ZNRF2: variants seen among roughly 807,000 people sequenced by gnomAD.
The protein encoded by ZNRF2 is zinc and ring finger 2.
ZNRF2 carries 16 observed loss-of-function variants against 20.4 expected under a neutral mutation model. The observed-to-expected ratio is 0.79, with a 90% confidence interval of 0.53 to 1.19. The LOEUF (loss-of-function observed/expected upper bound fraction) is 1.19. ZNRF2 is among the 50% of genes most tolerant of loss of function. The pLI, the probability that ZNRF2 is intolerant of heterozygous loss-of-function variation, is 0.00. For synonymous variants in ZNRF2, 178 were observed against 144.9 expected (o/e 1.23, Z -1.64); for missense variants, 363 against 332.4 (o/e 1.09, Z -0.72).
chr7:30,285,952 C>T lies in ZNRF2; in HGVS notation c.469+126C>T, dbSNP rs1363184587. On this transcript the variant is annotated intron_variant, in intron 1 of 4. Coordinates refer to ENST00000323037, the MANE Select transcript of ZNRF2 (RefSeq NM_147128.4). ...GGGGCGCCGGGGGCTGCCTCCCGGACCAGCCCGCGTCGGTCTCCATCCTGG... is the reference window on the plus strand; with the variant it reads ...GGGGCGCCGGGGGCTGCCTCCCGGATCAGCCCGCGTCGGTCTCCATCCTGG... The T allele has an allele frequency of 5.3e-6, 7 of 1,322,526 alleles. No homozygotes were observed. In the African/African-American group the frequency reaches 9.3e-5, roughly 18 times the overall value. The allele number at this position is 1,322,526 out of a possible 1,614,324, so 81.9% of individuals were successfully genotyped here. A position where few individuals can be genotyped will look rare whatever the true frequency, so the allele number is the denominator to read the frequency against.
intron 3 of ZNRF2, among the ~76,000 whole-genome samples, chr7:30,361,319 A>G (rs557218007): frequency 6.6e-6 from 1 of 152,356 alleles, no homozygotes; most frequent in South Asian, 2.1e-4. Flanking sequence ...CAGATATTTG[A>G]AAGAACCTGT....
In ZNRF2 at chr7:30,285,489, C is replaced by T. The variant is rs1798759384; in HGVS notation, c.132C>T (p.Ala44=). The change falls in exon 1 of 5, where the codon GCC becomes GCT. Residue 44 remains alanine, a synonymous_variant. Coordinates refer to ENST00000323037, the MANE Select transcript of ZNRF2 (RefSeq NM_147128.4). ...GCGGCGGCGGGGGCGCTCGGGCCGC[C>T]GCCGCGGGGAGGTTCCCGGCTCAGG... ...TAGGGGGARA[A]AAGRFPAQVP... 12 of 1,078,650 alleles carry T rather than the reference C, an allele frequency of 1.1e-5. No homozygotes were observed. The highest frequency in any genetic ancestry group is 8.4e-5 in the South Asian group (3 of 35,748). The allele number at this position is 1,078,650 out of a possible 1,614,324, so 66.8% of individuals were successfully genotyped here. A position where few individuals can be genotyped will look rare whatever the true frequency, so the allele number is the denominator to read the frequency against.
At chr7:30,322,633 A>G (rs1032525308) in intron 1 of ZNRF2, among the ~76,000 whole-genome samples, 1 of 151,972 alleles carries the variant, frequency 6.6e-6, no homozygotes, top group Non-Finnish European at 1.5e-5. Flanking sequence ...CTGCTGGCCA[A>G]TATAGTCTCT....
rs550803357 is a variant in ZNRF2, at chr7:30,341,931, T to C, written c.566-13797T>C. Reference sequence around the variant, plus strand: ...GTATTGGGTGCATATATATTTAGGATAGTTAGCTCTTCTTGTTGCATCAAT... The same window carrying C: ...GTATTGGGTGCATATATATTTAGGACAGTTAGCTCTTCTTGTTGCATCAAT... On this transcript the variant is annotated intron_variant, in intron 2 of 4. Transcript: ENST00000323037. Among the ~76,000 whole-genome samples the C allele has an allele frequency of 7.9e-5, 12 of 152,296 alleles. No individual in the cohort carries two copies. In the South Asian group the frequency reaches 2.5e-3, roughly 32 times the overall value.
At chr7:30,348,995 T>TA (rs1461486409) in intron 2 of ZNRF2, among the ~76,000 whole-genome samples, 1 of 152,194 alleles carries the variant, frequency 6.6e-6, no homozygotes, top group African/African-American at 2.4e-5. Flanking sequence ...CGAATCCAGA[T>TA]TTATAAATGT....
chr7:30,299,667 TTACA>T (rs1372499909), intron 1 of ZNRF2, among the ~76,000 whole-genome samples: 3 of 152,188 alleles, frequency 2.0e-5, no homozygotes, highest in Non-Finnish European at 4.4e-5. Flanking sequence ...TTTAATTCAT[TTACA>T]TACTTTTAAG....
intron 2 of ZNRF2, among the ~76,000 whole-genome samples, chr7:30,351,070 A>G (rs945502246): frequency 2.0e-5 from 3 of 150,968 alleles, no homozygotes; most frequent in African/African-American, 7.3e-5. Flanking sequence ...TTGATCTGCA[A>G]TAACTATATG....
intron 2 of ZNRF2, among the ~76,000 whole-genome samples, chr7:30,348,268 G>GC: frequency 6.6e-6 from 1 of 151,172 alleles, no homozygotes; most frequent in Admixed American, 6.6e-5. Context: ...ACAACCCATT[G>GC]CTTTGGGGCA....
Position 30,284,978 on chromosome 7 carries a change from C to CG in ZNRF2, c.-375dup. 3.0e-6 allele frequency: 1 copy of CG among 333,768 alleles called. No individual in the cohort carries two copies. 20.7% of individuals were successfully genotyped at this position (333,768 alleles called of 1,614,324 possible). ...GCCCGAGAGGAGGCGGTGCCGAGAT[C>CG]GGGGGCGCCGAGCGCGGCAGCAGAG... On this transcript the variant is annotated 5_prime_UTR_variant, in exon 1 of 5. An upstream open reading frame in the 5' UTR gains an earlier in-frame stop. Coordinates refer to ENST00000323037, the MANE Select transcript of ZNRF2 (RefSeq NM_147128.4).
chr7:30,309,835 T>C (rs1014251933), intron 1 of ZNRF2, among the ~76,000 whole-genome samples: 1 of 152,176 alleles, frequency 6.6e-6, no homozygotes, highest in African/African-American at 2.4e-5. Context: ...GTTATGTAAT[T>C]TATTAAAAAT....
At chr7:30,331,581 A>G (rs1191612259) in intron 2 of ZNRF2, among the ~76,000 whole-genome samples, 1 of 152,204 alleles carries the variant, frequency 6.6e-6, no homozygotes, top group Non-Finnish European at 1.5e-5. Flanking sequence ...GAATGAGAGC[A>G]TACACCATAC....
At chr7:30,299,276 G>T (rs921802656) in intron 1 of ZNRF2, among the ~76,000 whole-genome samples, 4 of 151,962 alleles carry the variant, frequency 2.6e-5, no homozygotes, top group Admixed American at 2.0e-4. Flanking sequence ...AAAATTAGCC[G>T]AGCGTAGTGA....
chr7:30,313,987 A>T (rs2128060801), intron 1 of ZNRF2, among the ~76,000 whole-genome samples: 1 of 152,314 alleles, frequency 6.6e-6, no homozygotes, highest in Middle Eastern at 3.4e-3. Flanking sequence ...GTATTGCCAC[A>T]TGGATTTTAT....
intron 2 of ZNRF2, among the ~76,000 whole-genome samples, chr7:30,354,807 G>A (rs1022087697): frequency 2.0e-5 from 3 of 152,116 alleles, no homozygotes; most frequent in African/African-American, 7.2e-5. Flanking sequence ...CTCTGGAGCA[G>A]TTTGTCCATG....
intron 1 of ZNRF2, among the ~76,000 whole-genome samples, chr7:30,294,465 G>A (rs779647171): frequency 1.3e-5 from 2 of 152,008 alleles, no homozygotes; most frequent in East Asian, 3.9e-4. Context: ...GTACCCTTTC[G>A]TTACTTCTAG....
chr7:30,310,084 T>TA (rs1799269313), intron 1 of ZNRF2, among the ~76,000 whole-genome samples: 1 of 152,112 alleles, frequency 6.6e-6, no homozygotes, highest in Non-Finnish European at 1.5e-5. Flanking sequence ...TAACAGTAGC[T>TA]ACGTTGTGAG....
intron 3 of ZNRF2, among the ~76,000 whole-genome samples, chr7:30,359,577 A>G (rs1197129837): frequency 1.3e-5 from 2 of 152,222 alleles, no homozygotes; most frequent in South Asian, 2.1e-4. Flanking sequence ...AACGAGCTAT[A>G]TAAGAATACA....
intron 2 of ZNRF2, among the ~76,000 whole-genome samples, chr7:30,339,535 G>T (rs1000251574): frequency 3.9e-5 from 6 of 152,114 alleles, no homozygotes; most frequent in African/African-American, 7.2e-5. Context: ...TTTCCCCATT[G>T]CTTGTTTTTG....
chr7:30,290,751 A>G (rs1002403456), intron 1 of ZNRF2, among the ~76,000 whole-genome samples: 1 of 152,262 alleles, frequency 6.6e-6, no homozygotes, highest in African/African-American at 2.4e-5. Flanking sequence ...CACATGGATT[A>G]TAGATAGATT....
Sources: allele counts gnomAD v4.1 joint callset (sites outside exome capture counted in the v4.1 genomes callset), GRCh38; gene constraint gnomAD v4.1.1; transcripts MANE v1.5; gene names NCBI Gene and HGNC (gene_info 2026-07-23, HGNC 2026-07-21).